FIRRM: variants seen among roughly 807,000 people sequenced by gnomAD.
FIRRM encodes the protein FIGNL1-interacting regulator of recombination and mitosis.
At chr1:169,827,697 T>C in the FIRRM span, 7 of 1,613,612 alleles carry the variant, frequency 4.3e-6, no homozygotes, top group Non-Finnish European at 5.9e-6. Flanking sequence ...TAATGTGTTT[T>C]TATTACATGT....
At chr1:169,849,831 A>G in the FIRRM span, 1 of 539,782 alleles carries the variant, frequency 1.9e-6, no homozygotes, top group Non-Finnish European at 3.3e-6. Flanking sequence ...GAACAGGCAT[A>G]CACAGCAGGC....
the FIRRM span, among the ~76,000 whole-genome samples, chr1:169,803,642 G>A: frequency 6.6e-6 from 1 of 151,714 alleles, no homozygotes; most frequent in African/African-American, 2.4e-5. Flanking sequence ...ATGATTAGAT[G>A]TCAGAACTTC....
chr1:169,808,403 T>G, the FIRRM span, among the ~76,000 whole-genome samples: 1 of 152,172 alleles, frequency 6.6e-6, no homozygotes, highest in African/African-American at 2.4e-5. Flanking sequence ...TTTGAAAAGT[T>G]AGAGTGTTGA....
the FIRRM span, among the ~76,000 whole-genome samples, chr1:169,807,159 C>G: frequency 6.6e-6 from 1 of 152,182 alleles, no homozygotes; most frequent in South Asian, 2.1e-4. Context: ...TCTCCCTACT[C>G]TTAGTTCCTC....
At chr1:169,838,193 C>T in the FIRRM span, among the ~76,000 whole-genome samples, 1 of 152,094 alleles carries the variant, frequency 6.6e-6, no homozygotes, top group Admixed American at 6.6e-5. Context: ...CCCTCCTTGG[C>T]CTCCCAAAGT....
the FIRRM span, among the ~76,000 whole-genome samples, chr1:169,818,247 A>G: frequency 1.3e-5 from 2 of 152,234 alleles, no homozygotes; most frequent in Admixed American, 6.5e-5. Flanking sequence ...TGTACTAGGT[A>G]TGGAGCCTAG....
At chr1:169,790,824 G>A in the FIRRM span, among the ~76,000 whole-genome samples, 1 of 152,202 alleles carries the variant, frequency 6.6e-6, no homozygotes, top group South Asian at 2.1e-4. Flanking sequence ...GTCTGGAATT[G>A]TAGCTGTGGC....
the FIRRM span, chr1:169,803,265 T>G: frequency 6.2e-7 from 1 of 1,613,924 alleles, no homozygotes; most frequent in Non-Finnish European, 8.5e-7. Context: ...GAGTCTCCCC[T>G]CCTCAGTCCT....
At chr1:169,790,971 T>C in the FIRRM span, among the ~76,000 whole-genome samples, 3 of 152,216 alleles carry the variant, frequency 2.0e-5, no homozygotes, top group African/African-American at 7.2e-5. Context: ...CCTCAGATCA[T>C]CAGGCATTAG....
At chr1:169,806,963 TATC>T in the FIRRM span, among the ~76,000 whole-genome samples, 1 of 152,236 alleles carries the variant, frequency 6.6e-6, no homozygotes, top group Non-Finnish European at 1.5e-5. Flanking sequence ...GCCACATCAC[TATC>T]ATCATCACTG....
chr1:169,787,538 A>G, the FIRRM span, among the ~76,000 whole-genome samples: 3 of 151,900 alleles, frequency 2.0e-5, no homozygotes, highest in Non-Finnish European at 4.4e-5. Context: ...TCCTTGACCC[A>G]CCTTGCTCCT....
the FIRRM span, among the ~76,000 whole-genome samples, chr1:169,849,291 GA>G: frequency 6.6e-6 from 1 of 152,310 alleles, no homozygotes; most frequent in African/African-American, 2.4e-5. Flanking sequence ...CAGGTCATTT[GA>G]GGACTTTGGC....
At chr1:169,787,117 G>T in the FIRRM span, among the ~76,000 whole-genome samples, 2 of 152,196 alleles carry the variant, frequency 1.3e-5, no homozygotes, top group Non-Finnish European at 2.9e-5. Context: ...GGGCGATAGG[G>T]ACAGATTTCA....
chr1:169,796,069 CTT>C, the FIRRM span: 1 of 640,646 alleles, frequency 1.6e-6, no homozygotes, highest in African/African-American at 2.0e-5. Flanking sequence ...GTAACCTTCA[CTT>C]GAGAGAATCT....
At chr1:169,793,108 A>G in the FIRRM span, 9 of 1,614,068 alleles carry the variant, frequency 5.6e-6, no homozygotes, top group Admixed American at 8.3e-5. Context: ...AACCTGATCC[A>G]CAACCAAGAT....
chr1:169,849,760 C>T, the FIRRM span: 1 of 613,452 alleles, frequency 1.6e-6, no homozygotes, highest in Non-Finnish European at 2.8e-6. Context: ...TACAGCTTCT[C>T]AAAATGAGGC....
At chr1:169,825,679 C>T in the FIRRM span, among the ~76,000 whole-genome samples, 1 of 152,236 alleles carries the variant, frequency 6.6e-6, no homozygotes, top group African/African-American at 2.4e-5. Context: ...GAATCAATGT[C>T]ACAAATGATG....
At chr1:169,795,576 G>A in the FIRRM span, 2 of 1,038,918 alleles carry the variant, frequency 1.9e-6, no homozygotes, top group South Asian at 3.6e-5. Flanking sequence ...TGAGACCTGC[G>A]GTATGACGAT....
At chr1:169,852,462 A>G in the FIRRM span, 1 of 305,704 alleles carries the variant, frequency 3.3e-6, no homozygotes, top group Non-Finnish European at 6.0e-6. Context: ...AACTCTCATA[A>G]AAAGAAAATA....
Sources: gnomAD v4.1 joint callset for allele counts (sites outside exome capture counted in the v4.1 genomes callset) on GRCh38, gnomAD v4.1.1 for gene constraint, MANE v1.5 for transcripts, NCBI Gene and HGNC (gene_info 2026-07-23, HGNC 2026-07-21) for gene names.